Variants in TNFAIP1 observed in about 807,000 individuals in gnomAD.
The protein encoded by TNFAIP1 is TNF alpha induced protein 1.
TNFAIP1 carries 20 observed loss-of-function variants against 32.6 expected under a neutral mutation model. The ratio of observed to expected loss-of-function variants is 0.61; its 90% CI spans 0.43 to 0.89. The LOEUF (loss-of-function observed/expected upper bound fraction) is 0.89, where lower values mean the gene tolerates loss of function less well. Among genes scored for constraint, TNFAIP1 ranks in the 40% least tolerant of loss-of-function variants. TNFAIP1 has a pLI of 0.00. For missense variants in TNFAIP1, 319 were observed against 425.1 expected, an observed-to-expected ratio of 0.75 and a Z score of 2.20; for synonymous variants, 166 against 166.8, an observed-to-expected ratio of 1.00 and a Z score of 0.04.
Position 28,339,638 on chromosome 17 carries a change from C to G in TNFAIP1, c.117C>G (p.Tyr39Ter). 6.2e-7 allele frequency: 1 copy of G among 1,613,908 alleles called. No homozygotes were observed. Among genetic ancestry groups the G allele is most frequent in the African/African-American group, 1.3e-5 (1 of 75,056 alleles). Residue 39 changes from tyrosine to a stop codon, truncating the protein, a stop_gained, in exon 2 of 7, where the codon TAC (tyrosine) becomes TAG (stop). Transcript: ENST00000226225. LOFTEE classifies it high-confidence loss of function. The stretch of plus-strand genomic sequence containing the variant: ...AGCTCAACGTGGGCGGCTCTCTGTA[C>G]TACACCACTGTGCGGGCCCTGACCC... ...YVQLNVGGSL[Y>*]YTTVRALTRH...
chr17:28,337,853 C>G (rs1430096925), intron 1 of TNFAIP1, among the ~76,000 whole-genome samples: 2 of 152,172 alleles, frequency 1.3e-5, no homozygotes, highest in Non-Finnish European at 2.9e-5. Flanking sequence ...TTATCAGGTT[C>G]TGGAATTATC....
chr17:28,342,149 G>A lies in TNFAIP1; in HGVS notation c.519-98G>A. The A allele has an allele frequency of 9.0e-7, 1 of 1,109,458 alleles. No individual in the cohort carries two copies. 68.7% of individuals were successfully genotyped at this position (1,109,458 alleles called of 1,614,324 possible). A position where few individuals can be genotyped will look rare whatever the true frequency, so the allele number is the denominator to read the frequency against. On this transcript the variant is annotated intron_variant, in intron 5 of 6. Transcript: ENST00000226225. The surrounding 1 kb of genome is among the most constrained non-coding windows in gnomAD (Gnocchi z 4.0). ...TCTTGCTTTCATTTCGGCAGGACAG[G>A]ATGGGGGAAGGGAGGGAGGGGAGGG...
chr17:28,343,616 G>A (rs1907442004), intron 6 of TNFAIP1, among the ~76,000 whole-genome samples: 1 of 152,028 alleles, frequency 6.6e-6, no homozygotes, highest in African/African-American at 2.4e-5. Flanking sequence ...CCAGTGGCTG[G>A]TGATGCTGCG....
chr17:28,339,256 A>G (rs1288755149), intron 1 of TNFAIP1, among the ~76,000 whole-genome samples, 152 bp from the exon 2 acceptor site: 17 of 151,758 alleles, frequency 1.1e-4, no homozygotes, highest in African/African-American at 2.4e-4. Flanking sequence ...AAAAAAAAAA[A>G]AAAGAAAGCA....
chr17:28,336,284 G>T (rs1294840439), intron 1 of TNFAIP1, among the ~76,000 whole-genome samples: 1 of 152,074 alleles, frequency 6.6e-6, no homozygotes, highest in Admixed American at 6.5e-5. Flanking sequence ...CCACGGATCC[G>T]CCCTTAGCCC....
Position 28,340,316 on chromosome 17 carries a change from C to A in TNFAIP1, c.213C>A (p.Ile71=). The A allele has an allele frequency of 6.2e-7, 1 of 1,613,822 alleles. No individual in the cohort carries two copies. The highest frequency in any genetic ancestry group is 8.5e-7 in the Non-Finnish European group (1 of 1,179,834). The change falls in exon 3 of 7, where the codon ATC becomes ATA. Residue 71 remains isoleucine (I), a synonymous_variant. Transcript: ENST00000226225. This position sits in a 1 kb window ranked among gnomAD's most constrained non-coding sequence, Gnocchi z 4.1. ...MEVLTDKEGW[I]LIDRCGKHFG... The stretch of plus-strand genomic sequence containing the variant: ...GGCCTTCTGCACCCCTAGGCTGGAT[C>A]CTCATAGACCGTTGTGGAAAGCACT...
chr17:28,344,684 T>C lies in TNFAIP1; in HGVS notation c.*84T>C. The stretch of plus-strand genomic sequence containing the variant: ...CCCATTGGCCACCCCATGCTGCTGC[T>C]GCCTGGGTCTCTGCTCTAGCACCCA... On this transcript the variant is annotated 3_prime_UTR_variant, in exon 7 of 7. Coordinates refer to ENST00000226225, the MANE Select transcript of TNFAIP1 (RefSeq NM_021137.5). The C allele has an allele frequency of 7.3e-7, 1 of 1,372,266 alleles. No individual in the cohort carries two copies. The highest frequency in any genetic ancestry group is 1.0e-6 in the Non-Finnish European group (1 of 982,186). The allele number at this position is 1,372,266 out of a possible 1,614,324, so 85.0% of individuals were successfully genotyped here.
At position 28,342,081 on chromosome 17, in the gene TNFAIP1, C is replaced by G. The variant is rs968123862; in HGVS notation, c.519-166C>G. Among the ~76,000 whole-genome samples, 10 of 152,166 alleles carry G rather than the reference C, an allele frequency of 6.6e-5. No homozygotes were observed. The highest frequency in any genetic ancestry group is 6.5e-4 in the Admixed American group (10 of 15,286). On this transcript the variant is annotated intron_variant, in intron 5 of 6. Coordinates refer to ENST00000226225, the MANE Select transcript of TNFAIP1 (RefSeq NM_021137.5). This position sits in a 1 kb window ranked among gnomAD's most constrained non-coding sequence, Gnocchi z 4.0. ...TCCTTTTCCTCACAGGCCCCCCAACCCAGAGGGTACCCTATGATCCTTTCT... is the reference window on the plus strand; with the variant it reads ...TCCTTTTCCTCACAGGCCCCCCAACGCAGAGGGTACCCTATGATCCTTTCT...
Position 28,339,449 on chromosome 17 carries a change from C to T in TNFAIP1, c.-73C>T, listed in dbSNP as rs1011871020. ...CTCTGGCCTCCACTGGCCACTCACT[C>T]GTGACCCTTTCCACCACGGCGGAGC... On this transcript the variant is annotated 5_prime_UTR_variant, in exon 2 of 7. Transcript: ENST00000226225. 20 of 1,444,096 alleles carry T rather than the reference C, an allele frequency of 1.4e-5. No homozygotes were observed. Among genetic ancestry groups the T allele is most frequent in the Admixed American group, 9.7e-5 (4 of 41,314 alleles). 89.5% of individuals were successfully genotyped at this position (1,444,096 alleles called of 1,614,324 possible). A position where few individuals can be genotyped will look rare whatever the true frequency, so the allele number is the denominator to read the frequency against.
rs1907352826 is a variant in TNFAIP1, at chr17:28,341,281, C to T, written c.420C>T (p.Ile140=). Residue 140 remains isoleucine (I), a synonymous_variant, in exon 4 of 7, where the codon ATC becomes ATT. Coordinates refer to ENST00000226225, the MANE Select transcript of TNFAIP1 (RefSeq NM_021137.5). ...SYQPVCNIPI[I]TSLKEEERLI... is the part of the protein sequence containing the mutation. ...AGCCTGTGTGCAACATCCCCATCAT[C>T]ACATCCCTAAAGGAGGAGGAGCGGC... 6.2e-7 allele frequency: 1 copy of T among 1,614,196 alleles called. No homozygotes were observed.
chr17:28,342,478 C>T lies in TNFAIP1; in HGVS notation c.714+36C>T, dbSNP rs3093687. ...TTGCCCCTGCCTGGGTAGGGGAGGA[C>T]ACACACCCACTGTGCGGGGGACGTG... On this transcript the variant is annotated intron_variant, in intron 6 of 6. Transcript: ENST00000226225. This position sits in a 1 kb window ranked among gnomAD's most constrained non-coding sequence, Gnocchi z 4.0. 3.8e-4 allele frequency: 588 copies of T among 1,549,450 alleles called. 3 individuals are homozygous for T. In the African/African-American group the frequency reaches 7.2e-3, roughly 19 times the overall value.
chr17:28,340,301 A>C lies in TNFAIP1; in HGVS notation c.206-8A>C, dbSNP rs1555577973. ...AAACTAACCCTGTAGGGCCTTCTGC[A>C]CCCCTAGGCTGGATCCTCATAGACC... On this transcript the variant is annotated splice_region_variant and splice_polypyrimidine_tract_variant and intron_variant, in intron 2 of 6. Coordinates refer to ENST00000226225, the MANE Select transcript of TNFAIP1 (RefSeq NM_021137.5). The surrounding 1 kb of genome is among the most constrained non-coding windows in gnomAD (Gnocchi z 4.1). The C allele has an allele frequency of 6.2e-7, 1 of 1,613,018 alleles. No homozygotes were observed. The highest frequency in any genetic ancestry group is 8.5e-7 in the Non-Finnish European group (1 of 1,179,370).
intron 1 of TNFAIP1, among the ~76,000 whole-genome samples, chr17:28,338,856 G>C (rs1555577706): frequency 1.1e-4 from 16 of 152,006 alleles, no homozygotes. Context: ...CCTGAGTGGA[G>C]CTGAGTCTCA....
rs782689250 is a variant in TNFAIP1 at position 28,339,512 on chromosome 17, G to A, written c.-10G>A. 10 of 1,586,564 alleles carry A rather than the reference G, an allele frequency of 6.3e-6. No homozygotes were observed. In the South Asian group the frequency reaches 1.0e-4, roughly 17 times the overall value. ...CCTCCTGCCGTGTGGTGATCTACCTGCAGCGGGAGATGTCGGGGGACACCT... is the reference window on the plus strand; with the variant it reads ...CCTCCTGCCGTGTGGTGATCTACCTACAGCGGGAGATGTCGGGGGACACCT... On this transcript the variant is annotated 5_prime_UTR_variant, in exon 2 of 7. Transcript: ENST00000226225.
chr17:28,342,183 G>A lies in TNFAIP1; in HGVS notation c.519-64G>A. 1 of 1,440,464 alleles carries A rather than the reference G, an allele frequency of 6.9e-7. No homozygotes were observed. Among genetic ancestry groups the A allele is most frequent in the South Asian group, 1.4e-5 (1 of 72,650 alleles). The allele number at this position is 1,440,464 out of a possible 1,614,324, so 89.2% of individuals were successfully genotyped here. Reference sequence around the variant, plus strand: ...AGGGAGGGAGGGGAGGGCCCCACTTGTCTAGCACCCTCCCTTGGACTGGAA... The same window carrying A: ...AGGGAGGGAGGGGAGGGCCCCACTTATCTAGCACCCTCCCTTGGACTGGAA... On this transcript the variant is annotated intron_variant, in intron 5 of 6. Coordinates refer to ENST00000226225, the MANE Select transcript of TNFAIP1 (RefSeq NM_021137.5). This position sits in a 1 kb window ranked among gnomAD's most constrained non-coding sequence, Gnocchi z 4.0.
intron 1 of TNFAIP1, among the ~76,000 whole-genome samples, chr17:28,336,202 CCCT>C (rs1907147064): frequency 6.6e-6 from 1 of 152,202 alleles, no homozygotes; most frequent in Admixed American, 6.5e-5. Context: ...CCTTTTAGAC[CCCT>C]CCTCTTTCCA....
rs1555578860 is a variant in TNFAIP1 at position 28,345,693 on chromosome 17, C to G, written c.*1093C>G. On this transcript the variant is annotated 3_prime_UTR_variant, in exon 7 of 7. Transcript: ENST00000226225. ...AGGTGGCACATGCTTGGCCACACAT[C>G]TACTCCCTGCCCACACCATCTATGC... 6.6e-6 allele frequency: 1 copy of G among 152,312 alleles called. No homozygotes were observed. Among genetic ancestry groups the G allele is most frequent in the Non-Finnish European group, 1.5e-5 (1 of 68,082 alleles). 9.4% of individuals were successfully genotyped at this position (152,312 alleles called of 1,614,324 possible). A position where few individuals can be genotyped will look rare whatever the true frequency, so the allele number is the denominator to read the frequency against.
intron 6 of TNFAIP1, 83 bp from the exon 7 acceptor site, chr17:28,344,281 G>A (rs1269163135): frequency 8.1e-7 from 1 of 1,237,662 alleles, no homozygotes; most frequent in South Asian, 1.2e-5. Flanking sequence ...GAGGCCTTAT[G>A]GAGCCTCAGG....
chr17:28,344,294 C>T lies in TNFAIP1; in HGVS notation c.715-70C>T, dbSNP rs1017091589. ...CGGAGGCCTTATGGAGCCTCAGGGC[C>T]AGCCGCTCTGACGCATGGCTTCCTC... On this transcript the variant is annotated intron_variant, in intron 6 of 6. Coordinates refer to ENST00000226225, the MANE Select transcript of TNFAIP1 (RefSeq NM_021137.5). 3.5e-6 allele frequency: 5 copies of T among 1,409,370 alleles called. No individual in the cohort carries two copies. The African/African-American group carries it at 4.2e-5, about 12-fold the overall frequency. 87.3% of individuals were successfully genotyped at this position (1,409,370 alleles called of 1,614,324 possible). A position where few individuals can be genotyped will look rare whatever the true frequency, so the allele number is the denominator to read the frequency against.
Sources: gnomAD v4.1 joint callset for allele counts (sites outside exome capture counted in the v4.1 genomes callset) on GRCh38, gnomAD v4.1.1 for gene constraint, Gnocchi (gnomAD v3.1) non-coding constraint, MANE v1.5 for transcripts, NCBI Gene and HGNC (gene_info 2026-07-23, HGNC 2026-07-21) for gene names.